The following CFAP47 variants were observed in gnomAD, a reference collection of about 807,000 sequenced individuals.
The protein encoded by CFAP47 is cilia and flagella associated protein 47.
CFAP47 carries 29 observed loss-of-function variants against 148.1 expected under a neutral mutation model. That is an observed-to-expected ratio of 0.20 (90% CI 0.15 to 0.27). The LOEUF is 0.27. Among genes scored for constraint, CFAP47 ranks in the 10% least tolerant of loss-of-function variants. The pLI, the probability that CFAP47 is intolerant of heterozygous loss-of-function variation, is 1.00. For missense variants in CFAP47, 1,872 were observed against 1,697.5 expected, an observed-to-expected ratio of 1.10 and a Z score of -1.81; for synonymous variants, 664 against 577.3, an observed-to-expected ratio of 1.15 and a Z score of -2.15.
At chrX:36,361,953 T>C (rs1039095916) in intron 61 of CFAP47, among the ~76,000 whole-genome samples, 8 of 112,028 alleles carry the variant, frequency 7.1e-5, no homozygotes, top group Non-Finnish European at 1.3e-4. Flanking sequence ...CTTAGTAAGA[T>C]ATAAGTGAAT....
chrX:36,367,483 T>A (rs1941889865), intron 62 of CFAP47, among the ~76,000 whole-genome samples: 1 of 112,110 alleles, frequency 8.9e-6, no homozygotes, highest in African/African-American at 3.2e-5. Flanking sequence ...AAACCCACGT[T>A]GATTCCATGT....
At chrX:36,117,536 A>G (rs1211140737) in intron 33 of CFAP47, among the ~76,000 whole-genome samples, 1 of 112,079 alleles carries the variant, frequency 8.9e-6, no homozygotes, top group Non-Finnish European at 1.9e-5. Flanking sequence ...TGCCATTTGT[A>G]TGCTTTCTTT....
At chrX:36,230,929 G>A (rs1455418126) in intron 46 of CFAP47, among the ~76,000 whole-genome samples, 1 of 104,077 alleles carries the variant, frequency 9.6e-6, no homozygotes, top group Non-Finnish European at 1.9e-5. Context: ...GTAGATATGC[G>A]ACGTTATTTC....
At chrX:35,941,115 C>G (rs1028237653) in intron 2 of CFAP47, among the ~76,000 whole-genome samples, 168 bp from the exon 3 acceptor site, 7 of 111,606 alleles carry the variant, frequency 6.3e-5, no homozygotes, top group African/African-American at 2.3e-4. Flanking sequence ...GTTTTCATAT[C>G]TTTATTTCAT....
At chrX:36,315,570 T>C (rs1941427040) in intron 56 of CFAP47, among the ~76,000 whole-genome samples, 1 of 112,421 alleles carries the variant, frequency 8.9e-6, no homozygotes, top group Non-Finnish European at 1.9e-5. Context: ...ATTTTTTAAG[T>C]TATCTCAGGA....
chrX:36,306,745 C>G, intron 54 of CFAP47, 27 bp from the exon 55 acceptor site: 1 of 998,784 alleles, frequency 1.0e-6, no homozygotes, highest in Non-Finnish European at 1.4e-6. Context: ...AATTTTTGTT[C>G]CCCCTTTGCT....
chrX:36,039,214 T>C, intron 25 of CFAP47, 35 bp downstream of exon 25: 1 of 763,770 alleles, frequency 1.3e-6, no homozygotes, highest in Non-Finnish European at 1.8e-6. Context: ...ACATTTTCTT[T>C]ATGTGCTTTT....
At chrX:36,234,702 A>C (rs1267997438) in intron 46 of CFAP47, among the ~76,000 whole-genome samples, 5 of 111,151 alleles carry the variant, frequency 4.5e-5, no homozygotes, top group African/African-American at 1.6e-4. Flanking sequence ...TGCTTTTTAG[A>C]GTTTCCAGTT....
intron 55 of CFAP47, 22 bp downstream of exon 55, chrX:36,306,898 C>T: frequency 1.2e-6 from 1 of 805,131 alleles, no homozygotes; most frequent in Non-Finnish European, 1.7e-6. Flanking sequence ...TATTCTTGGA[C>T]CAAACCAAGT....
At chrX:36,016,994 C>A (rs969833907) in intron 22 of CFAP47, among the ~76,000 whole-genome samples, 1 of 110,729 alleles carries the variant, frequency 9.0e-6, no homozygotes, top group African/African-American at 3.3e-5. Context: ...TATTCTTTTG[C>A]TCAATTTTAA....
chrX:36,220,561 A>G (rs1215495962), intron 45 of CFAP47, among the ~76,000 whole-genome samples: 1 of 110,770 alleles, frequency 9.0e-6, no homozygotes, highest in Non-Finnish European at 1.9e-5. Flanking sequence ...GATACAGGAA[A>G]TGGGCCCAAG....
intron 1 of CFAP47, among the ~76,000 whole-genome samples, chrX:35,924,495 GTGTATATAGGTGCACATA>G (rs1245222843): frequency 9.7e-6 from 1 of 103,286 alleles, no homozygotes; most frequent in Admixed American, 1.0e-4. Context: ...GCACCTATAT[GTGTATATAGGTGCACATA>G]TATGTGTATA....
rs762478611 is a variant in CFAP47 at position 35,924,261 on chromosome X, A to G, written c.250-1756A>G. Among the ~76,000 whole-genome samples, 60 of 101,859 alleles carry G rather than the reference A, an allele frequency of 5.9e-4. 1 individual carries two copies. The highest frequency in any genetic ancestry group is 1.6e-3 in the South Asian group (4 of 2,475). 88.5% of individuals were successfully genotyped at this position (101,859 alleles called of 115,157 possible). On this transcript the variant is annotated intron_variant, in intron 1 of 63. Transcript: ENST00000378653. Reference sequence around the variant, plus strand: ...CATGTATGTGTGCATATGGACATGTATGTGTACATGTATGTGTATATGTAC... The same window carrying G: ...CATGTATGTGTGCATATGGACATGTGTGTGTACATGTATGTGTATATGTAC...
intron 39 of CFAP47, among the ~76,000 whole-genome samples, chrX:36,168,381 C>T (rs1016375436): frequency 9.0e-6 from 1 of 111,500 alleles, no homozygotes; most frequent in Non-Finnish European, 1.9e-5. Context: ...TTACAATCAG[C>T]GTCTAATGTA....
At chrX:36,225,304 A>C (rs1425933959) in intron 45 of CFAP47, among the ~76,000 whole-genome samples, 2 of 112,088 alleles carry the variant, frequency 1.8e-5, no homozygotes, top group African/African-American at 6.5e-5. Flanking sequence ...ACATTCTATT[A>C]TTCCATTTTA....
chrX:36,124,182 A>G (rs1284854657), intron 33 of CFAP47, among the ~76,000 whole-genome samples: 1 of 110,610 alleles, frequency 9.0e-6, no homozygotes, highest in Non-Finnish European at 1.9e-5. Context: ...GGTTCTCCCA[A>G]CTCTTCCCTC....
intron 26 of CFAP47, 77 bp from the exon 27 acceptor site, chrX:36,065,565 AT>A: frequency 3.7e-6 from 2 of 542,375 alleles, no homozygotes; most frequent in South Asian, 5.7e-5. Context: ...CATTAAGGGC[AT>A]CTGGGATACT....
At chrX:35,940,973 A>G (rs1935999989) in intron 2 of CFAP47, among the ~76,000 whole-genome samples, 1 of 111,691 alleles carries the variant, frequency 9.0e-6, no homozygotes, top group Non-Finnish European at 1.9e-5. Context: ...CCTAAATGAT[A>G]TGTTACAGCA....
chrX:36,291,798 C>T (rs1556005601), intron 51 of CFAP47, among the ~76,000 whole-genome samples: 2 of 110,906 alleles, frequency 1.8e-5, no homozygotes, highest in East Asian at 2.8e-4. Context: ...TCAGAGTTAG[C>T]ATTTTAATAA....
Sources: gnomAD v4.1 joint callset for allele counts (sites outside exome capture counted in the v4.1 genomes callset) on GRCh38, gnomAD v4.1.1 for gene constraint, MANE v1.5 for transcripts, NCBI Gene and HGNC (gene_info 2026-07-23, HGNC 2026-07-21) for gene names.